The following SYNJ2 variants were observed in gnomAD, a reference collection of about 807,000 sequenced individuals.
SYNJ2 encodes synaptojanin 2, also known as polyphosphatidylinositol phosphatase SYNJ2.
SYNJ2 carries 116 observed loss-of-function variants against 141.3 expected under a neutral mutation model. The observed-to-expected ratio is 0.82, with a 90% CI of 0.71 to 0.96. SYNJ2 has a LOEUF of 0.96. SYNJ2 is among the 40% of genes least tolerant of loss of function. SYNJ2 has a pLI of 0.00. For synonymous variants in SYNJ2, 745 were observed against 777.7 expected, an observed-to-expected ratio of 0.96 and a Z score of 0.70; for missense variants, 1,873 against 1,934.8, an observed-to-expected ratio of 0.97 and a Z score of 0.60.
chr6:158,093,145 C>T, intron 26 of SYNJ2, 41 bp downstream of exon 26: 1 of 1,580,646 alleles, frequency 6.3e-7, no homozygotes, highest in Non-Finnish European at 8.6e-7. Context: ...TCCTAAGTTG[C>T]TCACATGTCT....
At position 158,096,192 on chromosome 6, in the gene SYNJ2, G is replaced by A; in HGVS notation, c.4319G>A (p.Gly1440Glu). The A allele has an allele frequency of 6.2e-7, 1 of 1,614,230 alleles. No homozygotes were observed. Among genetic ancestry groups the A allele is most frequent in the Non-Finnish European group, 8.5e-7 (1 of 1,180,038 alleles). The change falls in exon 27 of 27, where the codon GGA becomes GAA. Residue 1440 changes from glycine to glutamate, a missense_variant. Gly to Glu is a moderately conservative substitution (Grantham distance 98, BLOSUM62 -2). Coordinates refer to ENST00000355585, the MANE Select transcript of SYNJ2 (RefSeq NM_003898.4). ...AAGAGCTCAGACCCTTTGGACTCAG[G>A]AACCAGGAGCCCCAAAAGAGATCCC... is the stretch of plus-strand genomic sequence containing the variant. The part of the protein sequence containing the change: ...LSKSSDPLDS[G>E]TRSPKRDPID...
Position 158,097,321 on chromosome 6 carries a change from A to G in SYNJ2, c.*957A>G, listed in dbSNP as rs766713646. 1 of 152,208 alleles carries G rather than the reference A, an allele frequency of 6.6e-6. No individual in the cohort carries two copies. The highest frequency in any genetic ancestry group is 1.5e-5 in the Non-Finnish European group (1 of 68,036). 9.4% of individuals were successfully genotyped at this position (152,208 alleles called of 1,614,324 possible). ...GAAAGTGCTATGTGTCCCTGCATAT[A>G]AGAATCACCAGGCCAGTGTTTCTGG... On this transcript the variant is annotated 3_prime_UTR_variant, in exon 27 of 27. Coordinates refer to ENST00000355585, the MANE Select transcript of SYNJ2 (RefSeq NM_003898.4).
Position 158,071,687 on chromosome 6 carries a change from A to G in SYNJ2, c.2026A>G (p.Ser676Gly). The change falls in exon 15 of 27, where the codon AGC becomes GGC. Residue 676 changes from serine (S) to glycine (G), a missense_variant. Transcript: ENST00000355585. This position sits in a 1 kb window ranked among gnomAD's most constrained non-coding sequence, Gnocchi z 4.3. ...GAVGIRFQFH[S>G]TSFCFICSHL... ...CGTCGGCATCCGCTTCCAGTTCCAC[A>G]GCACCAGCTTCTGCTTCATATGTAG... The G allele has an allele frequency of 6.2e-7, 1 of 1,614,140 alleles. No homozygotes were observed. Among genetic ancestry groups the G allele is most frequent in the South Asian group, 1.1e-5 (1 of 91,086 alleles).
chr6:158,023,264 T>TAAAA (rs112882268), intron 2 of SYNJ2, among the ~76,000 whole-genome samples: 29 of 125,374 alleles, frequency 2.3e-4, no homozygotes, highest in African/African-American at 4.7e-4. Flanking sequence ...TCTCTAAATT[T>TAAAA]AAAAAAAAAA....
In SYNJ2 at chr6:158,040,202, T is replaced by C. The variant is rs528821755; in HGVS notation, c.712-3114T>C. Among the ~76,000 whole-genome samples, 2 of 151,514 alleles carry C rather than the reference T, an allele frequency of 1.3e-5. No individual in the cohort carries two copies. Among genetic ancestry groups the C allele is most frequent in the South Asian group, 4.1e-4 (2 of 4,820 alleles). Reference sequence around the variant, plus strand: ...GGGTTGTATGTGTACAGTGTGTGCGTGGTATGTGCATTTATGTGTTGTACA... The same window carrying C: ...GGGTTGTATGTGTACAGTGTGTGCGCGGTATGTGCATTTATGTGTTGTACA... On this transcript the variant is annotated intron_variant, in intron 4 of 26. Coordinates refer to ENST00000355585, the MANE Select transcript of SYNJ2 (RefSeq NM_003898.4). This position sits in a 1 kb window ranked among gnomAD's most constrained non-coding sequence, Gnocchi z 4.2.
rs573921282 is a variant in SYNJ2 at position 158,069,811 on chromosome 6, C to T, written c.1940+138C>T. On this transcript the variant is annotated intron_variant, in intron 14 of 26. Coordinates refer to ENST00000355585, the MANE Select transcript of SYNJ2 (RefSeq NM_003898.4). ...TTACCATTATTTTAGATAAATGTAG[C>T]AAAACCCCCTAGGAAAAACTGGGCT... The T allele has an allele frequency of 1.1e-5, 12 of 1,126,440 alleles. No individual in the cohort carries two copies. In the East Asian group the frequency reaches 2.6e-4, roughly 25 times the overall value. The allele number at this position is 1,126,440 out of a possible 1,614,324, so 69.8% of individuals were successfully genotyped here. A position where few individuals can be genotyped will look rare whatever the true frequency, so the allele number is the denominator to read the frequency against.
intron 1 of SYNJ2, among the ~76,000 whole-genome samples, chr6:158,008,028 C>A (rs1778136703): frequency 6.6e-6 from 1 of 152,086 alleles, no homozygotes; most frequent in Non-Finnish European, 1.5e-5. Flanking sequence ...CTGGGCTCAA[C>A]CAGTCCTCCT....
At position 158,086,977 on chromosome 6, in the gene SYNJ2, C is replaced by T. The variant is rs1249728086; in HGVS notation, c.3331C>T (p.Pro1111Ser). Residue 1111 changes from proline to serine, a missense_variant, in exon 23 of 27, where the codon CCC (proline) becomes TCC (serine). Transcript: ENST00000355585. ...TCGGCCACCTCAACCCCCGCAGAGA[C>T]CCCCCCCTCCAAGTAAGACTCTGCT... is the stretch of plus-strand genomic sequence containing the variant. ...RPRPPQPPQRPPPPTGLMVKK... is the reference protein window; with the variant it reads ...RPRPPQPPQRSPPPTGLMVKK... 4.4e-6 allele frequency: 4 copies of T among 903,378 alleles called. No individual in the cohort carries two copies. Among genetic ancestry groups the T allele is most frequent in the South Asian group, 1.3e-5 (1 of 76,832 alleles). 56.0% of individuals were successfully genotyped at this position (903,378 alleles called of 1,614,324 possible).
At position 158,059,296 on chromosome 6, in the gene SYNJ2, G is replaced by A. The variant is rs1159869477; in HGVS notation, c.897G>A (p.Val299=). The A allele has an allele frequency of 1.2e-5, 18 of 1,550,652 alleles. No homozygotes were observed. The highest frequency in any genetic ancestry group is 5.5e-5 in the African/African-American group (4 of 73,088). Residue 299 remains valine (V), a synonymous_variant, in exon 7 of 27, where the codon GTG becomes GTA. Coordinates refer to ENST00000355585, the MANE Select transcript of SYNJ2 (RefSeq NM_003898.4). ...VLLKEQYGQQ[V]VVNLLGSRGG... ...TGAAGGAGCAGTACGGGCAGCAGGTGGTCGTGAACCTTCTGGGAAGCAGAG... is the reference window on the plus strand; with the variant it reads ...TGAAGGAGCAGTACGGGCAGCAGGTAGTCGTGAACCTTCTGGGAAGCAGAG...
chr6:158,063,264 A>T (rs1166567594), intron 8 of SYNJ2, among the ~76,000 whole-genome samples: 1 of 152,180 alleles, frequency 6.6e-6, no homozygotes, highest in African/African-American at 2.4e-5. Context: ...CCAGCTGTGC[A>T]GGCTACTGAG....
intron 18 of SYNJ2, among the ~76,000 whole-genome samples, chr6:158,080,508 CTT>C (rs1169943058): frequency 6.9e-6 from 1 of 145,726 alleles, no homozygotes. Flanking sequence ...GAGCATTTCC[CTT>C]TTTTTTTTTC....
intron 25 of SYNJ2, among the ~76,000 whole-genome samples, chr6:158,091,544 C>T (rs534120042): frequency 6.6e-5 from 10 of 151,420 alleles, no homozygotes; most frequent in South Asian, 2.1e-4. Flanking sequence ...GTTAGGAGAT[C>T]GAGACCATCC....
At position 158,063,882 on chromosome 6, in the gene SYNJ2, T is replaced by G. The variant is rs1781388445; in HGVS notation, c.1209+10T>G. On this transcript the variant is annotated intron_variant, in intron 9 of 26. Transcript: ENST00000355585. ...CTTCATCGCGCTCGAGGTGCGTCCC[T>G]GCCACAGCCTTTTCGGCCATCTGTG... is the stretch of plus-strand genomic sequence containing the variant. The G allele has an allele frequency of 6.2e-7, 1 of 1,613,066 alleles. No homozygotes were observed. The highest frequency in any genetic ancestry group is 1.7e-5 in the Admixed American group (1 of 59,968).
chr6:157,993,069 T>A (rs1406614057), intron 1 of SYNJ2, among the ~76,000 whole-genome samples: 1 of 152,234 alleles, frequency 6.6e-6, no homozygotes, highest in African/African-American at 2.4e-5. Context: ...GTACATAACA[T>A]ATATAACATA....
At chr6:158,054,629 A>G (rs1481709900) in intron 5 of SYNJ2, among the ~76,000 whole-genome samples, 1 of 152,244 alleles carries the variant, frequency 6.6e-6, no homozygotes, top group African/African-American at 2.4e-5. Flanking sequence ...AGTTGGCTTC[A>G]CTGACCTCTG....
In SYNJ2 at chr6:158,096,041, A is replaced by G; in HGVS notation, c.4168A>G (p.Thr1390Ala). ...QGDFLSTSSA[T>A]SPDSDGTKAM... ...GGACTTTCTCAGCACTTCATCTGCTACAAGCCCCGACAGCGATGGCACCAA... is the reference window on the plus strand; with the variant it reads ...GGACTTTCTCAGCACTTCATCTGCTGCAAGCCCCGACAGCGATGGCACCAA... Residue 1390 changes from threonine to alanine, a missense_variant, in exon 27 of 27, where the codon ACA becomes GCA. Coordinates refer to ENST00000355585, the MANE Select transcript of SYNJ2 (RefSeq NM_003898.4). 1.2e-6 allele frequency: 2 copies of G among 1,614,226 alleles called. No homozygotes were observed. Among genetic ancestry groups the G allele is most frequent in the Admixed American group, 1.7e-5 (1 of 60,032 alleles).
chr6:158,060,140 A>G (rs111424305), intron 7 of SYNJ2, among the ~76,000 whole-genome samples: 127 of 152,144 alleles, frequency 8.3e-4, no homozygotes, highest in Admixed American at 2.6e-3. Flanking sequence ...CTGGCCTTCA[A>G]ATTTCCCCCT....
At chr6:158,082,454 T>A (rs1441835451) in intron 20 of SYNJ2, among the ~76,000 whole-genome samples, 2 of 123,400 alleles carry the variant, frequency 1.6e-5, no homozygotes, top group African/African-American at 6.6e-5. Flanking sequence ...ACCATTGCAC[T>A]CCAGCCCAGG....
chr6:158,063,636 G>A (rs1367945107), intron 8 of SYNJ2, among the ~76,000 whole-genome samples, 155 bp from the exon 9 acceptor site: 1 of 129,330 alleles, frequency 7.7e-6, no homozygotes, highest in Non-Finnish European at 1.6e-5. Context: ...TCCAGCTTGG[G>A]TGACAGAGGT....
Sources: allele counts gnomAD v4.1 joint callset (sites outside exome capture counted in the v4.1 genomes callset), GRCh38; gene constraint gnomAD v4.1.1; non-coding constraint Gnocchi (gnomAD v3.1); transcripts MANE v1.5; gene names NCBI Gene and HGNC (gene_info 2026-07-23, HGNC 2026-07-21).